The following EHF variants were observed in gnomAD, a reference collection of about 807,000 sequenced individuals.
EHF encodes the protein ESE3 transcription factor.
EHF carries 14 observed loss-of-function variants against 45.1 expected under a neutral mutation model. That is an observed-to-expected ratio of 0.31 (90% CI 0.21 to 0.49). EHF has a LOEUF of 0.49. Ranked by LOEUF, EHF falls within the 20% of genes least tolerant of loss-of-function variation. The pLI, the probability that EHF is intolerant of heterozygous loss-of-function variation, is 0.99. For missense variants in EHF, 282 were observed against 371.4 expected (o/e 0.76, Z 1.98); for synonymous variants, 136 against 131.8 (o/e 1.03, Z -0.22).
At chr11:34,657,000 G>A in intron 7 of EHF, 30 bp downstream of exon 7, 1 of 1,612,052 alleles carries the variant, frequency 6.2e-7, no homozygotes. Flanking sequence ...GATGGCCTTT[G>A]GTCCTTCCCA....
chr11:34,662,921 C>T lies in EHF; in HGVS notation c.*3990C>T, dbSNP rs1392078704. 2.6e-5 allele frequency among the ~76,000 whole-genome samples: 4 copies of T among 151,952 alleles called. No homozygotes were observed. The highest frequency in any genetic ancestry group is 5.9e-5 in the Non-Finnish European group (4 of 67,986). ...AGCTGAATTATCCTCAGTGTAGCTTCTTGGAATTCAGTTTCTGGAACTAGA... is the reference window on the plus strand; with the variant it reads ...AGCTGAATTATCCTCAGTGTAGCTTTTTGGAATTCAGTTTCTGGAACTAGA... On this transcript the variant is annotated 3_prime_UTR_variant, in exon 9 of 9. Coordinates refer to ENST00000257831, the MANE Select transcript of EHF (RefSeq NM_012153.6).
Position 34,642,687 on chromosome 11 carries a change from C to T in EHF, c.57C>T (p.His19=). ...TCAACCCCGGCAACAACCTCCTTCA[C>T]CAGCCGCCAGCCTGGACAGACAGCT... ...MNLNPGNNLL[H]QPPAWTDSYS... is the part of the protein sequence containing the mutation. The change falls in exon 2 of 9, where the codon CAC becomes CAT. Residue 19 remains histidine, a synonymous_variant. Coordinates refer to ENST00000257831, the MANE Select transcript of EHF (RefSeq NM_012153.6). 2 of 1,614,004 alleles carry T rather than the reference C, an allele frequency of 1.2e-6. No homozygotes were observed. Among genetic ancestry groups the T allele is most frequent in the East Asian group, 2.2e-5 (1 of 44,866 alleles).
intron 4 of EHF, among the ~76,000 whole-genome samples, chr11:34,649,469 C>T (rs1049441613): frequency 6.6e-6 from 1 of 152,168 alleles, no homozygotes; most frequent in African/African-American, 2.4e-5. Context: ...TCTCTCCCTC[C>T]TCCCTTGATG....
intron 1 of EHF, chr11:34,622,337 A>G: frequency 1.9e-6 from 2 of 1,069,944 alleles, no homozygotes; most frequent in South Asian, 1.4e-5. Context: ...CACCTTGGTA[A>G]CAGGGAGAAA....
At chr11:34,631,619 C>T (rs1406476152) in intron 1 of EHF, 17 of 974,848 alleles carry the variant, frequency 1.7e-5, no homozygotes, top group Non-Finnish European at 2.0e-5. Flanking sequence ...CTACACAGCC[C>T]GATTTTGAGG....
chr11:34,622,305 GTC>G, intron 1 of EHF: 5 of 602,008 alleles, frequency 8.3e-6, no homozygotes, highest in Non-Finnish European at 1.3e-5. Context: ...GTTCACAGGT[GTC>G]TCTGCTGGTT....
At position 34,646,868 on chromosome 11, in the gene EHF, G is replaced by A. The variant is rs967160749; in HGVS notation, c.343+184G>A. 2.6e-5 allele frequency: 19 copies of A among 719,950 alleles called. 1 individual carries two copies. The African/African-American group carries it at 3.2e-4, about 12-fold the overall frequency. The allele number at this position is 719,950 out of a possible 1,614,324, so 44.6% of individuals were successfully genotyped here. On this transcript the variant is annotated intron_variant, in intron 3 of 8. Transcript: ENST00000257831. ...GACAGGATTGAAGCATAGGGTACCTGGTGTGCCTAATCCCTTATAAATGCC... is the reference window on the plus strand; with the variant it reads ...GACAGGATTGAAGCATAGGGTACCTAGTGTGCCTAATCCCTTATAAATGCC...
rs1440963377 is a variant in EHF, at chr11:34,658,753, A to G, written c.803+25A>G. 6.2e-6 allele frequency: 10 copies of G among 1,609,136 alleles called. 1 individual carries two copies. Among genetic ancestry groups the G allele is most frequent in the East Asian group, 2.2e-5 (1 of 44,814 alleles). ...GGTGAGGAGTTTCATGTCTCTGAAA[A>G]CAAAAAGGCTGTACGACCCATTATT... On this transcript the variant is annotated intron_variant, in intron 8 of 8. Coordinates refer to ENST00000257831, the MANE Select transcript of EHF (RefSeq NM_012153.6).
At chr11:34,652,510 A>G (rs1401783693) in intron 6 of EHF, among the ~76,000 whole-genome samples, 5 of 152,160 alleles carry the variant, frequency 3.3e-5, no homozygotes, top group Non-Finnish European at 5.9e-5. Flanking sequence ...CCCACCTACA[A>G]ATAGGTGCAT....
At chr11:34,636,744 G>A (rs1853445347) in intron 1 of EHF, among the ~76,000 whole-genome samples, 1 of 152,104 alleles carries the variant, frequency 6.6e-6, no homozygotes, top group Non-Finnish European at 1.5e-5. Context: ...AAGACATGTG[G>A]CACCACGGCC....
At chr11:34,643,755 A>C (rs1854250939) in intron 2 of EHF, among the ~76,000 whole-genome samples, 1 of 152,142 alleles carries the variant, frequency 6.6e-6, no homozygotes, top group Non-Finnish European at 1.5e-5. Flanking sequence ...GTGGGCCTCA[A>C]ATACCCTGTG....
chr11:34,640,950 T>C lies in EHF; in HGVS notation c.-3-1678T>C, dbSNP rs550810891. Among the ~76,000 whole-genome samples, 4 of 152,282 alleles carry C rather than the reference T, an allele frequency of 2.6e-5. No homozygotes were observed. The South Asian group carries it at 8.3e-4, about 32-fold the overall frequency. On this transcript the variant is annotated intron_variant, in intron 1 of 8. Transcript: ENST00000257831. ...CTCCAATCAATGTACAGACGAGGTA[T>C]GATTAGCTGCATTTTGCATATGAGA...
intron 1 of EHF, chr11:34,622,046 G>A (rs1265598063): frequency 2.5e-5 from 4 of 159,176 alleles, no homozygotes; most frequent in African/African-American, 9.6e-5. Flanking sequence ...CAGACAGGCA[G>A]TTGTGACTCA....
chr11:34,645,244 A>G (rs980099692), intron 2 of EHF, among the ~76,000 whole-genome samples: 1 of 152,258 alleles, frequency 6.6e-6, no homozygotes, highest in Non-Finnish European at 1.5e-5. Context: ...CATGAGTCAC[A>G]TATACAGATG....
intron 6 of EHF, among the ~76,000 whole-genome samples, chr11:34,654,496 C>CT (rs1855489495): frequency 6.6e-6 from 1 of 152,186 alleles, no homozygotes; most frequent in Admixed American, 6.5e-5. Context: ...TTAGGTTCTT[C>CT]TTTTGCCTTT....
chr11:34,634,160 TA>T (rs1853170395), intron 1 of EHF, among the ~76,000 whole-genome samples: 1 of 152,100 alleles, frequency 6.6e-6, no homozygotes. Flanking sequence ...TTGTATGTAT[TA>T]TATTCAGTTG....
intron 6 of EHF, among the ~76,000 whole-genome samples, chr11:34,654,590 C>G (rs1405430288): frequency 6.6e-6 from 1 of 152,050 alleles, no homozygotes; most frequent in Non-Finnish European, 1.5e-5. Flanking sequence ...TGGAGCCTAG[C>G]TTGGGTAAAC....
intron 1 of EHF, among the ~76,000 whole-genome samples, chr11:34,627,506 T>C (rs1852483100): frequency 1.3e-5 from 2 of 152,144 alleles, no homozygotes; most frequent in Non-Finnish European, 2.9e-5. Flanking sequence ...CCACTGATGC[T>C]GAGGTCATGA....
rs373708938 is a variant in EHF, at chr11:34,646,625, G to A, written c.284G>A (p.Arg95Gln). ...LCSMSLQEFT[R>Q]AAGTAGQLLY... ...AGCATGAGTTTGCAGGAGTTCACCC[G>A]GGCGGCAGGGACGGCGGGGCAGCTC... The change falls in exon 3 of 9, where the codon CGG (arginine) becomes CAG (glutamine). Residue 95 changes from arginine to glutamine, a missense_variant. Physicochemically the swap from Arg to Gln is conservative, Grantham distance 43. Transcript: ENST00000257831. The A allele has an allele frequency of 2.3e-5, 37 of 1,613,674 alleles. No individual in the cohort carries two copies. Among genetic ancestry groups the A allele is most frequent in the Non-Finnish European group, 2.8e-5 (33 of 1,179,934 alleles).
Sources: allele counts gnomAD v4.1 joint callset (sites outside exome capture counted in the v4.1 genomes callset), GRCh38; gene constraint gnomAD v4.1.1; transcripts MANE v1.5; gene names NCBI Gene and HGNC (gene_info 2026-07-23, HGNC 2026-07-21).